CARD19: variants seen among roughly 807,000 people sequenced by gnomAD.
CARD19 encodes caspase recruitment domain-containing protein 19.
Under a neutral mutation model 24.1 loss-of-function variants are expected in CARD19, and 25 were observed. That is an observed-to-expected ratio of 1.04 (90% CI 0.76 to 1.45). The LOEUF (loss-of-function observed/expected upper bound fraction) is 1.45. Among genes scored for constraint, CARD19 ranks in the 40% most tolerant of loss-of-function variants. The pLI, the probability that CARD19 is intolerant of heterozygous loss-of-function variation, is 0.00. For missense variants in CARD19, 241 were observed against 247.4 expected, an observed-to-expected ratio of 0.97 and a Z score of 0.17; for synonymous variants, 103 against 104.9, an observed-to-expected ratio of 0.98 and a Z score of 0.11.
chr9:93,103,968 A>G (rs1827166351), intron 1 of CARD19, among the ~76,000 whole-genome samples: 1 of 152,234 alleles, frequency 6.6e-6, no homozygotes, highest in African/African-American at 2.4e-5. Context: ...ATGCTTGTTG[A>G]CACATTCAAA....
chr9:93,103,433 T>C (rs577083989), intron 1 of CARD19, among the ~76,000 whole-genome samples: 2 of 152,228 alleles, frequency 1.3e-5, no homozygotes, highest in Admixed American at 6.5e-5. Flanking sequence ...CCTAACACAA[T>C]GTAAATGCTA....
At chr9:93,103,032 A>T (rs541106889) in intron 1 of CARD19, among the ~76,000 whole-genome samples, 1 of 152,330 alleles carries the variant, frequency 6.6e-6, no homozygotes, top group Admixed American at 6.5e-5. Flanking sequence ...AAAAGATTTT[A>T]GGGTTTTCTA....
chr9:93,102,265 C>G (rs1827112690), intron 1 of CARD19, among the ~76,000 whole-genome samples: 1 of 152,102 alleles, frequency 6.6e-6, no homozygotes, highest in Non-Finnish European at 1.5e-5. Context: ...AGCCACTGCA[C>G]CTGGCCTGAT....
At chr9:93,110,529 C>T (rs770152717) in intron 2 of CARD19, 39 bp from the exon 3 acceptor site, 8 of 1,559,880 alleles carry the variant, frequency 5.1e-6, no homozygotes, top group African/African-American at 1.3e-5. Context: ...AGCCAGCCCC[C>T]CTGGCCTGAT....
chr9:93,097,441 GA>G (rs1826918692), intron 1 of CARD19, among the ~76,000 whole-genome samples: 1 of 152,062 alleles, frequency 6.6e-6, no homozygotes, highest in South Asian at 2.1e-4. Flanking sequence ...TCTCATTTCT[GA>G]GCACTTACTG....
Position 93,106,480 on chromosome 9 carries a change from A to AT in CARD19, c.8-1192dup, listed in dbSNP as rs1359398227. Among the ~76,000 whole-genome samples, 5 of 150,038 alleles carry AT rather than the reference A, an allele frequency of 3.3e-5. No individual in the cohort carries two copies. In the East Asian group the frequency reaches 9.9e-4, roughly 30 times the overall value. On this transcript the variant is annotated intron_variant, in intron 1 of 5. Transcript: ENST00000375464. ...GCACATGCCTGTAATCCCAGGAAGA[A>AT]TTGCTTGAACCCAGGAGGCAGAGGT...
Position 93,096,605 on chromosome 9 carries a change from GC to G in CARD19, c.7+256del, listed in dbSNP as rs138268969. On this transcript the variant is annotated intron_variant, in intron 1 of 5. Transcript: ENST00000375464. The surrounding 1 kb of genome is among the most constrained non-coding windows in gnomAD (Gnocchi z 5.4). ...ATGATGGGTGGTGGCCAGGTGCGGG[GC>G]CCGAAGAGGGCGGGGGCTACAAGGC... is the stretch of plus-strand genomic sequence containing the variant. Among the ~76,000 whole-genome samples, 88 of 152,314 alleles carry G rather than the reference GC, an allele frequency of 5.8e-4. 2 individuals are homozygous for G. In the East Asian group the frequency reaches 0.016, roughly 27 times the overall value.
In CARD19 at chr9:93,096,954, A is replaced by AC. The variant is rs1366848018; in HGVS notation, c.7+608dup. 6.6e-6 allele frequency among the ~76,000 whole-genome samples: 1 copy of AC among 151,422 alleles called. No homozygotes were observed. Among genetic ancestry groups the AC allele is most frequent in the African/African-American group, 2.4e-5 (1 of 41,172 alleles). On this transcript the variant is annotated intron_variant, in intron 1 of 5. Transcript: ENST00000375464. The surrounding 1 kb of genome is among the most constrained non-coding windows in gnomAD (Gnocchi z 5.4). ...TAAGAGAATCGGGGACAGCGACTGG[A>AC]CCCCCCAAGGTTGTTGTGCTCCACG...
chr9:93,109,705 C>A (rs1827389035), intron 2 of CARD19, among the ~76,000 whole-genome samples: 1 of 152,100 alleles, frequency 6.6e-6, no homozygotes, highest in Non-Finnish European at 1.5e-5. Flanking sequence ...ACCTGGAACT[C>A]CTGATCCGCC....
In CARD19 at chr9:93,107,751, G is replaced by T; in HGVS notation, c.85G>T (p.Asp29Tyr). 1.2e-6 allele frequency: 2 copies of T among 1,614,236 alleles called. No homozygotes were observed. The highest frequency in any genetic ancestry group is 1.7e-6 in the Non-Finnish European group (2 of 1,180,030). The change falls in exon 2 of 6, where the codon GAC becomes TAC. Residue 29 changes from aspartate to tyrosine, a missense_variant. Physicochemically the swap from Asp to Tyr is radical, Grantham distance 160. Coordinates refer to ENST00000375464, the MANE Select transcript of CARD19 (RefSeq NM_032310.5). ...TGGGCGCTTGAGTGAGCAGCAGGTG[G>T]ACAGGATCATCCTCCAGCTGAACCG... Reference protein sequence around the residue: ...GHGRLSEQQVDRIILQLNRYY... With the variant: ...GHGRLSEQQVYRIILQLNRYY...
chr9:93,102,671 AT>A (rs1827128077), intron 1 of CARD19, among the ~76,000 whole-genome samples: 1 of 142,572 alleles, frequency 7.0e-6, no homozygotes, highest in Admixed American at 7.0e-5. Flanking sequence ...TTTTTTTAAG[AT>A]TTTTGTTGTT....
In CARD19 at chr9:93,110,654, G is replaced by A. The variant is rs1200656531; in HGVS notation, c.237G>A (p.Glu79=). 14 of 1,613,612 alleles carry A rather than the reference G, an allele frequency of 8.7e-6. No individual in the cohort carries two copies. The highest frequency in any genetic ancestry group is 1.2e-5 in the Non-Finnish European group (14 of 1,180,038). ...GGAGCGGTGAGCGGGACTGCCAGGA[G>A]TTCTACCGAGCCCTGTATATCCATG... The part of the protein sequence containing the change: ...LQRSGERDCQ[E]FYRALYIHAQ... Residue 79 remains glutamate (E), a synonymous_variant, in exon 3 of 6, where the codon GAG becomes GAA. Coordinates refer to ENST00000375464, the MANE Select transcript of CARD19 (RefSeq NM_032310.5).
In CARD19 at chr9:93,101,535, G is replaced by A. The variant is rs544416440; in HGVS notation, c.7+5183G>A. Among the ~76,000 whole-genome samples the A allele has an allele frequency of 3.9e-5, 6 of 151,988 alleles. No homozygotes were observed. In the South Asian group the frequency reaches 1.2e-3, roughly 32 times the overall value. On this transcript the variant is annotated intron_variant, in intron 1 of 5. Transcript: ENST00000375464. ...GCTCACTGCAACCTCTACCGTCCGG[G>A]TTGAAGCGATTCTCCTGCCTCAGCC... is the stretch of plus-strand genomic sequence containing the variant.
chr9:93,112,396 G>A (rs1278802574), intron 5 of CARD19, 107 bp downstream of exon 5: 8 of 893,018 alleles, frequency 9.0e-6, no homozygotes, highest in Middle Eastern at 2.3e-4. Flanking sequence ...TTCGTACCTC[G>A]GTGTCCACAC....
At chr9:93,110,384 CAG>C (rs994186669) in intron 2 of CARD19, 182 bp from the exon 3 acceptor site, 18 of 932,038 alleles carry the variant, frequency 1.9e-5, no homozygotes, top group African/African-American at 3.3e-5. Context: ...ATGCCTGTGA[CAG>C]AGGCAATGCC....
intron 3 of CARD19, chr9:93,110,993 G>C: frequency 6.7e-7 from 1 of 1,499,860 alleles, no homozygotes; most frequent in Non-Finnish European, 8.9e-7. Context: ...ACACAGCATG[G>C]GGCATCTTAT....
At chr9:93,111,472 C>G in intron 3 of CARD19, 1 of 1,082,516 alleles carries the variant, frequency 9.2e-7, no homozygotes, top group South Asian at 2.8e-5. Flanking sequence ...GGGCTGTGGT[C>G]TCTGACCCCC....
intron 3 of CARD19, 147 bp downstream of exon 3, chr9:93,110,868 C>T (rs1564212105): frequency 6.5e-7 from 1 of 1,533,428 alleles, no homozygotes; most frequent in Non-Finnish European, 8.7e-7. Flanking sequence ...AGCCCCTCCC[C>T]AGAGGCCACC....
At position 93,113,016 on chromosome 9, in the gene CARD19, G is replaced by T; in HGVS notation, c.461G>T (p.Arg154Leu). ...PPDPKGLPGTRRVLGFSPVII... is the reference protein window; with the variant it reads ...PPDPKGLPGTLRVLGFSPVII... The stretch of plus-strand genomic sequence containing the variant: ...GACCCCAAGGGCCTGCCAGGGACCC[G>T]GCGCGTCCTCGGTTTCTCGCCTGTC... The change falls in exon 6 of 6, where the codon CGG becomes CTG. Residue 154 changes from arginine (R) to leucine (L), a missense_variant. Arg to Leu is a moderately radical substitution (Grantham distance 102, BLOSUM62 -2). Coordinates refer to ENST00000375464, the MANE Select transcript of CARD19 (RefSeq NM_032310.5). 3 of 1,609,306 alleles carry T rather than the reference G, an allele frequency of 1.9e-6. No homozygotes were observed. The highest frequency in any genetic ancestry group is 2.5e-6 in the Non-Finnish European group (3 of 1,177,682).
Sources: allele counts gnomAD v4.1 joint callset (sites outside exome capture counted in the v4.1 genomes callset), GRCh38; gene constraint gnomAD v4.1.1; non-coding constraint Gnocchi (gnomAD v3.1); transcripts MANE v1.5; gene names NCBI Gene and HGNC (gene_info 2026-07-23, HGNC 2026-07-21).